FBXL17: variants seen among roughly 807,000 people sequenced by gnomAD.
FBXL17 encodes the protein F-box and leucine rich repeat protein 17, also known as F-box/LRR-repeat protein 17.
In FBXL17, 22 loss-of-function variants were observed where a neutral mutation model predicts 66.2. That is an observed-to-expected ratio of 0.33 (90% confidence interval 0.24 to 0.47). The LOEUF is 0.47. FBXL17 is among the 20% of genes least tolerant of loss of function. The probability of loss-of-function intolerance (pLI) is 1.00; values close to 1 mark genes in which losing one functional copy is unlikely to be tolerated. For synonymous variants in FBXL17, 474 were observed against 400.5 expected, an observed-to-expected ratio of 1.18 and a Z score of -2.19; for missense variants, 878 against 948.2, an observed-to-expected ratio of 0.93 and a Z score of 0.97.
chr5:107,946,388 T>C (rs1186686104), intron 7 of FBXL17, among the ~76,000 whole-genome samples: 1 of 142,230 alleles, frequency 7.0e-6, no homozygotes, highest in African/African-American at 2.6e-5. Flanking sequence ...TCAAACTCCT[T>C]GGCTTAAGTG....
chr5:108,361,083 G>A (rs536787489), intron 3 of FBXL17, among the ~76,000 whole-genome samples: 2 of 152,194 alleles, frequency 1.3e-5, no homozygotes, highest in East Asian at 3.9e-4. Context: ...TAAATCCAAT[G>A]TCCAGGCTTC....
intron 1 of FBXL17, among the ~76,000 whole-genome samples, chr5:108,380,317 A>T (rs942221097): frequency 1.3e-5 from 2 of 152,238 alleles, no homozygotes; most frequent in African/African-American, 4.8e-5. Context: ...ACATGAAAGT[A>T]ATGTTTAAAG....
At chr5:107,907,471 A>C (rs1749800965) in intron 7 of FBXL17, among the ~76,000 whole-genome samples, 1 of 152,150 alleles carries the variant, frequency 6.6e-6, no homozygotes, top group African/African-American at 2.4e-5. Context: ...AAACAAAACG[A>C]GGCAAAGCAA....
At chr5:107,874,358 T>C (rs1748549479) in intron 8 of FBXL17, among the ~76,000 whole-genome samples, 1 of 152,174 alleles carries the variant, frequency 6.6e-6, no homozygotes, top group African/African-American at 2.4e-5. Flanking sequence ...TGAATAAATA[T>C]AATGATAATG....
chr5:108,359,434 C>G (rs1422208551), intron 3 of FBXL17, among the ~76,000 whole-genome samples: 3 of 152,086 alleles, frequency 2.0e-5, no homozygotes, highest in Non-Finnish European at 2.9e-5. Context: ...GATTGTACAG[C>G]TATAAACTGC....
At position 107,933,502 on chromosome 5, in the gene FBXL17, G is replaced by GA. The variant is rs1354208895; in HGVS notation, c.1823-52324dup. On this transcript the variant is annotated intron_variant, in intron 7 of 8. Transcript: ENST00000542267. ...AGTATTCTTTACATGAAGGTAGCTGGAACGCAAAGAAATGGAAAATCTAAA... is the reference window on the plus strand; with the variant it reads ...AGTATTCTTTACATGAAGGTAGCTGGAAACGCAAAGAAATGGAAAATCTAAA... 3.3e-5 allele frequency among the ~76,000 whole-genome samples: 5 copies of GA among 152,146 alleles called. No individual in the cohort carries two copies. The East Asian group carries it at 9.6e-4, about 29-fold the overall frequency.
At chr5:108,154,662 CAT>C (rs1491451425) in intron 6 of FBXL17, among the ~76,000 whole-genome samples, 2 of 130,800 alleles carry the variant, frequency 1.5e-5, no homozygotes, top group Admixed American at 7.7e-5. Flanking sequence ...TATGTATATA[CAT>C]ATATATGTGT....
At chr5:108,346,287 C>G (rs941507846) in intron 4 of FBXL17, among the ~76,000 whole-genome samples, 1 of 151,758 alleles carries the variant, frequency 6.6e-6, no homozygotes, top group African/African-American at 2.4e-5. Flanking sequence ...GCCTTTAAGA[C>G]TTAGCAAAAT....
chr5:108,029,401 G>A (rs1392633794), intron 6 of FBXL17, among the ~76,000 whole-genome samples: 1 of 152,126 alleles, frequency 6.6e-6, no homozygotes, highest in Admixed American at 6.6e-5. Flanking sequence ...TAGCCAGATT[G>A]TACTCTGAAT....
chr5:108,009,261 T>TTA (rs375853217), intron 7 of FBXL17, among the ~76,000 whole-genome samples: 358 of 20,764 alleles, frequency 0.017, 8 homozygotes, highest in Non-Finnish European at 0.019. Flanking sequence ...GTTCCCTGTT[T>TTA]TATATATATA....
chr5:108,336,194 T>TC (rs753747566), intron 4 of FBXL17, among the ~76,000 whole-genome samples: 75 of 152,294 alleles, frequency 4.9e-4, no homozygotes, highest in Non-Finnish European at 1.0e-3. Context: ...ATAGAGTATT[T>TC]TTTAAAAAAC....
intron 7 of FBXL17, among the ~76,000 whole-genome samples, chr5:107,926,475 T>C (rs1029603669): frequency 6.6e-6 from 1 of 152,068 alleles, no homozygotes; most frequent in Non-Finnish European, 1.5e-5. Context: ...CCTTTCCTAT[T>C]CTTTTTCCTT....
At position 108,381,597 on chromosome 5, in the gene FBXL17, C is replaced by T. The variant is rs1369437127; in HGVS notation, c.95G>A (p.Arg32Lys). ...CTTGGCTGGGGTCCGGCGGGGCAGC[C>T]TGAGGAGAGGGCGCCGGCGGCGGCA... Reference protein sequence around the residue: ...SWCRRRRPLLRLPRRTPAKVP... With the variant: ...SWCRRRRPLLKLPRRTPAKVP... The change falls in exon 1 of 9, where the codon AGG becomes AAG. Residue 32 changes from arginine (R) to lysine (K), a missense_variant. This residue lies in a region of FBXL17 where 605 missense variants were observed against 509.5 expected (regional missense o/e 1.19). Coordinates refer to ENST00000542267, the MANE Select transcript of FBXL17 (RefSeq NM_001163315.3). 1 of 1,475,322 alleles carries T rather than the reference C, an allele frequency of 6.8e-7. No homozygotes were observed. The highest frequency in any genetic ancestry group is 1.5e-5 in the African/African-American group (1 of 67,860). The allele number at this position is 1,475,322 out of a possible 1,614,324, so 91.4% of individuals were successfully genotyped here.
intron 6 of FBXL17, among the ~76,000 whole-genome samples, chr5:108,069,683 T>G (rs1407493296): frequency 1.3e-5 from 2 of 152,204 alleles, no homozygotes; most frequent in Non-Finnish European, 2.9e-5. Context: ...ATAGCCTGGT[T>G]ACAGTTGGTG....
intron 6 of FBXL17, among the ~76,000 whole-genome samples, chr5:108,175,387 C>T (rs892764729): frequency 1.3e-5 from 2 of 152,172 alleles, no homozygotes; most frequent in Non-Finnish European, 2.9e-5. Context: ...TAACATGATA[C>T]AGCACTTCAT....
chr5:108,263,415 A>T (rs1435715160), intron 4 of FBXL17, among the ~76,000 whole-genome samples: 10 of 152,224 alleles, frequency 6.6e-5, no homozygotes, highest in Non-Finnish European at 1.3e-4. Context: ...GAATTCAGTG[A>T]AGTTGCCAAA....
intron 3 of FBXL17, among the ~76,000 whole-genome samples, chr5:108,354,277 G>A (rs936784536): frequency 6.6e-6 from 1 of 152,050 alleles, no homozygotes; most frequent in African/African-American, 2.4e-5. Flanking sequence ...TTACCAGGCC[G>A]GAAATTTTTT....
chr5:108,043,820 T>C (rs1385463528), intron 6 of FBXL17, among the ~76,000 whole-genome samples: 1 of 152,222 alleles, frequency 6.6e-6, no homozygotes, highest in African/African-American at 2.4e-5. Flanking sequence ...ACATGTCTCC[T>C]ATGTGGCTTC....
At chr5:108,253,899 G>A (rs1011239974) in intron 4 of FBXL17, among the ~76,000 whole-genome samples, 4 of 152,084 alleles carry the variant, frequency 2.6e-5, no homozygotes, top group African/African-American at 9.7e-5. Flanking sequence ...AGACTGGGCT[G>A]AGAGGATCAC....
Sources: gnomAD v4.1 joint callset for allele counts (sites outside exome capture counted in the v4.1 genomes callset) on GRCh38, gnomAD v4.1.1 for gene constraint, gnomAD v4.1.1 regional missense constraint, MANE v1.5 for transcripts, NCBI Gene and HGNC (gene_info 2026-07-23, HGNC 2026-07-21) for gene names.